Variants in ENTPD4 observed in about 807,000 individuals in gnomAD.
ENTPD4 encodes the protein Golgi UDPase.
Under a neutral mutation model 79.1 loss-of-function variants are expected in ENTPD4, and 60 were observed. The observed-to-expected ratio is 0.76, with a 90% confidence interval of 0.62 to 0.94. The LOEUF (loss-of-function observed/expected upper bound fraction) is 0.94, where lower values mean the gene tolerates loss of function less well. ENTPD4 is among the 40% of genes least tolerant of loss of function. The pLI, the probability that ENTPD4 is intolerant of heterozygous loss-of-function variation, is 0.00. For missense variants in ENTPD4, 772 were observed against 775.1 expected (o/e 1.00, Z 0.05); for synonymous variants, 276 against 292.0 (o/e 0.95, Z 0.56).
chr8:23,450,663 T>G (rs1467238308), intron 1 of ENTPD4, among the ~76,000 whole-genome samples: 1 of 152,258 alleles, frequency 6.6e-6, no homozygotes, highest in Non-Finnish European at 1.5e-5. Context: ...CGTTGTTCTC[T>G]GCCAACCCCG....
chr8:23,440,483 T>G (rs1435441075), intron 8 of ENTPD4, among the ~76,000 whole-genome samples: 1 of 152,240 alleles, frequency 6.6e-6, no homozygotes, highest in Admixed American at 6.5e-5. Flanking sequence ...ATGGGAAATT[T>G]TTAATCTTGA....
chr8:23,433,891 CAT>C (rs1189440440), intron 12 of ENTPD4, among the ~76,000 whole-genome samples: 6 of 152,176 alleles, frequency 3.9e-5, no homozygotes, highest in Admixed American at 3.3e-4. Context: ...GAGAAGAACA[CAT>C]ATTACAGTAT....
At chr8:23,443,801 T>C (rs1333007633) in intron 6 of ENTPD4, 49 bp downstream of exon 6, 6 of 1,147,210 alleles carry the variant, frequency 5.2e-6, no homozygotes, top group Non-Finnish European at 7.9e-6. Context: ...ATGGGGAGGA[T>C]TTAAAGGAAC....
At chr8:23,435,300 G>A in intron 11 of ENTPD4, 92 bp downstream of exon 11, 1 of 796,558 alleles carries the variant, frequency 1.3e-6, no homozygotes. Flanking sequence ...GTGAGAAGAA[G>A]CTGGACTGAG....
chr8:23,433,628 G>A (rs1307892021), intron 12 of ENTPD4, among the ~76,000 whole-genome samples: 1 of 152,150 alleles, frequency 6.6e-6, no homozygotes, highest in Non-Finnish European at 1.5e-5. Context: ...AACGTGAATG[G>A]GGAAAAACGC....
In ENTPD4 at chr8:23,432,130, A is replaced by T; in HGVS notation, c.*796T>A. The T allele has an allele frequency of 1.0e-6, 1 of 984,740 alleles. No individual in the cohort carries two copies. Among genetic ancestry groups the T allele is most frequent in the Non-Finnish European group, 1.2e-6 (1 of 829,328 alleles). The allele number at this position is 984,740 out of a possible 1,614,324, so 61.0% of individuals were successfully genotyped here. A position where few individuals can be genotyped will look rare whatever the true frequency, so the allele number is the denominator to read the frequency against. On this transcript the variant is annotated 3_prime_UTR_variant, in exon 13 of 13. Transcript: ENST00000358689. Reference sequence around the variant, plus strand: ...AATGGTTTAAAAAATTTAAATTTGCAAAGAAAACATATACAGTAACAGACC... The same window carrying T: ...AATGGTTTAAAAAATTTAAATTTGCTAAGAAAACATATACAGTAACAGACC...
chr8:23,430,400 C>T lies in ENTPD4; in HGVS notation c.*2526G>A. 1 of 985,458 alleles carries T rather than the reference C, an allele frequency of 1.0e-6. No homozygotes were observed. The highest frequency in any genetic ancestry group is 1.7e-5 in the African/African-American group (1 of 57,376). The allele number at this position is 985,458 out of a possible 1,614,324, so 61.0% of individuals were successfully genotyped here. ...TTTTAAGATTGAAGTTTGGTTACTTCTCTTGTCCATCTTTTCGTGCCCACA... is the reference window on the plus strand; with the variant it reads ...TTTTAAGATTGAAGTTTGGTTACTTTTCTTGTCCATCTTTTCGTGCCCACA... On this transcript the variant is annotated 3_prime_UTR_variant, in exon 13 of 13. Transcript: ENST00000358689.
chr8:23,449,375 G>A (rs1396038302), intron 2 of ENTPD4, among the ~76,000 whole-genome samples: 1 of 151,834 alleles, frequency 6.6e-6, no homozygotes, highest in East Asian at 1.9e-4. Context: ...AAATACGACT[G>A]AGCTCATTGC....
chr8:23,449,912 A>G lies in ENTPD4; in HGVS notation c.-12T>C, dbSNP rs746943206. On this transcript the variant is annotated 5_prime_UTR_variant, in exon 2 of 13. Coordinates refer to ENST00000358689, the MANE Select transcript of ENTPD4 (RefSeq NM_004901.5). ...ACTTACCTCCCCATACTGAAAGGTC[A>G]GCAACAAGGCAATGCTCTGGGATTC... 1.9e-6 allele frequency: 3 copies of G among 1,613,924 alleles called. No homozygotes were observed. The South Asian group carries it at 3.3e-5, about 18-fold the overall frequency.
chr8:23,451,252 C>G, intron 1 of ENTPD4, among the ~76,000 whole-genome samples: 1 of 152,198 alleles, frequency 6.6e-6, no homozygotes, highest in South Asian at 2.1e-4. Flanking sequence ...GAGCCCCTGA[C>G]CCGGTGATCT....
In ENTPD4 at chr8:23,437,267, A is replaced by C; in HGVS notation, c.1050-9T>G. 6.4e-7 allele frequency: 1 copy of C among 1,559,874 alleles called. No individual in the cohort carries two copies. The highest frequency in any genetic ancestry group is 1.2e-5 in the South Asian group (1 of 83,422). On this transcript the variant is annotated splice_polypyrimidine_tract_variant and intron_variant, in intron 9 of 12. Coordinates refer to ENST00000358689, the MANE Select transcript of ENTPD4 (RefSeq NM_004901.5). ...TCTGTTTACCCAGGAGCCTATGGCAAAACAAGAAACTTCATCGTGAGTCCT... is the reference window on the plus strand; with the variant it reads ...TCTGTTTACCCAGGAGCCTATGGCACAACAAGAAACTTCATCGTGAGTCCT...
At chr8:23,453,063 T>C (rs1177138664) in intron 1 of ENTPD4, among the ~76,000 whole-genome samples, 2 of 152,176 alleles carry the variant, frequency 1.3e-5, no homozygotes, top group Non-Finnish European at 2.9e-5. Context: ...AAAGATGAAT[T>C]AGATATAGGC....
intron 1 of ENTPD4, among the ~76,000 whole-genome samples, chr8:23,450,831 A>T (rs1800846569): frequency 6.6e-6 from 1 of 152,070 alleles, no homozygotes; most frequent in Non-Finnish European, 1.5e-5. Flanking sequence ...CTCTATCTGA[A>T]TGTTGCACAG....
At chr8:23,438,405 C>T (rs573174663) in intron 9 of ENTPD4, among the ~76,000 whole-genome samples, 23 of 152,234 alleles carry the variant, frequency 1.5e-4, no homozygotes, top group African/African-American at 4.1e-4. Context: ...TAAAAATGTT[C>T]GCTTAATTTA....
intron 11 of ENTPD4, among the ~76,000 whole-genome samples, chr8:23,435,052 T>C (rs530687647): frequency 4.0e-5 from 6 of 150,954 alleles, no homozygotes; most frequent in African/African-American, 1.2e-4. Flanking sequence ...GGATGAATTC[T>C]TGAGACTCAG....
At chr8:23,441,414 C>T in intron 8 of ENTPD4, 155 bp downstream of exon 8, 1 of 985,372 alleles carries the variant, frequency 1.0e-6, no homozygotes, top group Non-Finnish European at 1.2e-6. Context: ...CTGAGGTCTG[C>T]CTTGTTCGTC....
Position 23,452,786 on chromosome 8 carries a change from T to C in ENTPD4, c.-97-2789A>G, listed in dbSNP as rs186967479. On this transcript the variant is annotated intron_variant, in intron 1 of 12. Coordinates refer to ENST00000358689, the MANE Select transcript of ENTPD4 (RefSeq NM_004901.5). ...AGCAGAATGAACCTCTTCCTTGTGT[T>C]GTCAGTTGCATTCCTAAGAATCAAT... Among the ~76,000 whole-genome samples, 13 of 152,378 alleles carry C rather than the reference T, an allele frequency of 8.5e-5. No individual in the cohort carries two copies. In the East Asian group the frequency reaches 2.3e-3, roughly 27 times the overall value.
intron 3 of ENTPD4, 151 bp downstream of exon 3, chr8:23,448,591 A>G: frequency 3.1e-6 from 2 of 647,386 alleles, no homozygotes. Context: ...TGGCACCTTG[A>G]TCGTGGATTT....
rs1483338402 is a variant in ENTPD4 at position 23,429,596 on chromosome 8, A to G, written c.*3330T>C. ...TCTTGCTAAGTGATACATGCTCCTT[A>G]TAAGGAAAACTACTCTGTGTAGGCC... On this transcript the variant is annotated 3_prime_UTR_variant, in exon 13 of 13. Coordinates refer to ENST00000358689, the MANE Select transcript of ENTPD4 (RefSeq NM_004901.5). 8.1e-6 allele frequency: 8 copies of G among 985,336 alleles called. No individual in the cohort carries two copies. The Middle Eastern group carries it at 1.6e-3, about 191-fold the overall frequency. The allele number at this position is 985,336 out of a possible 1,614,324, so 61.0% of individuals were successfully genotyped here. A position where few individuals can be genotyped will look rare whatever the true frequency, so the allele number is the denominator to read the frequency against.
Sources: gnomAD v4.1 joint callset for allele counts (sites outside exome capture counted in the v4.1 genomes callset) on GRCh38, gnomAD v4.1.1 for gene constraint, MANE v1.5 for transcripts, NCBI Gene and HGNC (gene_info 2026-07-23, HGNC 2026-07-21) for gene names.